MYRIP: variants seen among roughly 807,000 people sequenced by gnomAD.
The protein encoded by MYRIP is rab effector MyRIP.
Under a neutral mutation model 98.0 loss-of-function variants are expected in MYRIP, and 49 were observed. The observed-to-expected ratio is 0.50, with a 90% confidence interval of 0.40 to 0.63. MYRIP has a LOEUF of 0.63. Among genes scored for constraint, MYRIP ranks in the 30% least tolerant of loss-of-function variants. MYRIP has a pLI of 0.00. For missense variants in MYRIP, 1,004 were observed against 1,058.2 expected, an observed-to-expected ratio of 0.95 and a Z score of 0.71; for synonymous variants, 404 against 409.5, an observed-to-expected ratio of 0.99 and a Z score of 0.16.
chr3:39,877,874 G>A (rs929396631), intron 1 of MYRIP, among the ~76,000 whole-genome samples: 2 of 152,224 alleles, frequency 1.3e-5, no homozygotes, highest in Non-Finnish European at 2.9e-5. Context: ...TCTCTTCAAA[G>A]CTGTCAGACA....
intron 1 of MYRIP, among the ~76,000 whole-genome samples, chr3:39,837,263 T>C (rs1380325677): frequency 6.6e-6 from 1 of 152,236 alleles, no homozygotes; most frequent in Non-Finnish European, 1.5e-5. Context: ...CCATTACTTT[T>C]GGCGTTTTAG....
At chr3:40,222,474 T>C (rs755802067) in intron 11 of MYRIP, among the ~76,000 whole-genome samples, 51 of 152,188 alleles carry the variant, frequency 3.4e-4, no homozygotes, top group Admixed American at 2.2e-3. Context: ...TCCCACCTCC[T>C]ACCTCACAAT....
At chr3:39,836,609 G>A (rs929736807) in intron 1 of MYRIP, among the ~76,000 whole-genome samples, 6 of 152,220 alleles carry the variant, frequency 3.9e-5, no homozygotes, top group Non-Finnish European at 4.4e-5. Context: ...CTGACCCGGC[G>A]ACAGATGATT....
At chr3:40,056,071 GC>G (rs1231806668) in intron 3 of MYRIP, among the ~76,000 whole-genome samples, 3 of 152,206 alleles carry the variant, frequency 2.0e-5, no homozygotes, top group Non-Finnish European at 4.4e-5. Context: ...TAAAAGCTTA[GC>G]CAGCACGTGT....
chr3:39,884,038 G>A (rs533421233), intron 1 of MYRIP, among the ~76,000 whole-genome samples: 1 of 152,114 alleles, frequency 6.6e-6, no homozygotes, highest in East Asian at 1.9e-4. Flanking sequence ...ACAAATTCTA[G>A]TCACGTTATA....
chr3:40,127,105 C>T (rs2693485), intron 3 of MYRIP, among the ~76,000 whole-genome samples: 121,420 of 152,152 alleles, frequency 0.8, 48,587 homozygotes, highest in Admixed American at 0.85. Flanking sequence ...GAATAACAAC[C>T]CTTTTGTTTT....
rs199497827 is a variant in MYRIP, at chr3:40,189,851, C to T, written c.1053C>T (p.Pro351=). Residue 351 remains proline (P), a synonymous_variant, in exon 10 of 17, where the codon CCC becomes CCT. Transcript: ENST00000302541. ...ACCTGGCCCCAGTTTTGCAGAGCCC[C>T]GACGGGAACTGGGTGGCCCTGAAGG... ...ETNLAPVLQS[P]DGNWVALKDG... 162 of 1,613,036 alleles carry T rather than the reference C, an allele frequency of 1.0e-4. No individual in the cohort carries two copies. Among genetic ancestry groups the T allele is most frequent in the Middle Eastern group, 1.7e-4 (1 of 6,056 alleles).
intron 1 of MYRIP, among the ~76,000 whole-genome samples, chr3:39,836,526 C>T (rs1411269758): frequency 6.6e-6 from 1 of 152,086 alleles, no homozygotes; most frequent in East Asian, 1.9e-4. Context: ...CAAAAATTTT[C>T]TCCCATTCTG....
chr3:39,965,619 C>T (rs1157013201), intron 2 of MYRIP, among the ~76,000 whole-genome samples: 2 of 152,066 alleles, frequency 1.3e-5, no homozygotes, highest in Non-Finnish European at 2.9e-5. Flanking sequence ...CTAGGCTTGA[C>T]CATAATCCAT....
chr3:40,073,179 T>C (rs1249442554), intron 3 of MYRIP, among the ~76,000 whole-genome samples: 4 of 152,200 alleles, frequency 2.6e-5, no homozygotes, highest in African/African-American at 7.2e-5. Context: ...AAAACTGAGA[T>C]TGAACCTAAT....
chr3:39,921,071 T>C (rs1166932403), intron 2 of MYRIP, among the ~76,000 whole-genome samples: 2 of 152,224 alleles, frequency 1.3e-5, no homozygotes, highest in Admixed American at 6.5e-5. Flanking sequence ...CCCCTTTACC[T>C]GTGGGAAGCC....
intron 13 of MYRIP, among the ~76,000 whole-genome samples, chr3:40,249,925 G>A (rs1225159877): frequency 2.0e-5 from 3 of 151,998 alleles, no homozygotes; most frequent in South Asian, 2.1e-4. Context: ...AGGTGGCCCC[G>A]GGCCAGGGTC....
intron 8 of MYRIP, among the ~76,000 whole-genome samples, chr3:40,171,357 C>T (rs1196958663): frequency 1.3e-5 from 2 of 152,052 alleles, no homozygotes; most frequent in Non-Finnish European, 2.9e-5. Context: ...GAAAAGGATC[C>T]TACTGGATGG....
intron 10 of MYRIP, among the ~76,000 whole-genome samples, chr3:40,202,906 CTTATTTATTTATTTATTTAT>C (rs35758632): frequency 1.4e-5 from 2 of 142,428 alleles, no homozygotes; most frequent in East Asian, 2.1e-4. Context: ...CCTCCATTTA[CTTATTTATTTATTTATTTAT>C]TTATTTATTT....
intron 9 of MYRIP, among the ~76,000 whole-genome samples, chr3:40,187,465 G>C (rs1013678508): frequency 2.6e-5 from 4 of 152,166 alleles, no homozygotes; most frequent in African/African-American, 9.7e-5. Flanking sequence ...CCCTGAGCAG[G>C]CATGTGTAAC....
At chr3:39,914,139 G>T (rs1299365409) in intron 2 of MYRIP, among the ~76,000 whole-genome samples, 2 of 152,124 alleles carry the variant, frequency 1.3e-5, no homozygotes, top group African/African-American at 4.8e-5. Flanking sequence ...ATTACAGATA[G>T]ATCCTACTTA....
chr3:39,953,211 G>A (rs553957935), intron 2 of MYRIP, among the ~76,000 whole-genome samples: 34 of 152,242 alleles, frequency 2.2e-4, no homozygotes, highest in African/African-American at 8.2e-4. Context: ...GAGATAATAA[G>A]GTAATGGTAG....
chr3:40,155,061 T>C (rs1363196570), intron 4 of MYRIP, among the ~76,000 whole-genome samples: 1 of 152,012 alleles, frequency 6.6e-6, no homozygotes, highest in Non-Finnish European at 1.5e-5. Context: ...TACATATGTA[T>C]ACATGTGCCA....
At chr3:39,906,867 GA>G (rs1943891969) in intron 2 of MYRIP, among the ~76,000 whole-genome samples, 1 of 152,198 alleles carries the variant, frequency 6.6e-6, no homozygotes, top group Admixed American at 6.5e-5. Flanking sequence ...GAGAAGAGAA[GA>G]GGCACTGACT....
Sources: allele counts gnomAD v4.1 joint callset (sites outside exome capture counted in the v4.1 genomes callset), GRCh38; gene constraint gnomAD v4.1.1; transcripts MANE v1.5; gene names NCBI Gene and HGNC (gene_info 2026-07-23, HGNC 2026-07-21).